Variants in CDIN1 observed in about 807,000 individuals in gnomAD.
The protein encoded by CDIN1 is CDAN1-interacting nuclease 1.
CDIN1 carries 33 observed loss-of-function variants against 45.3 expected under a neutral mutation model. That is an observed-to-expected ratio of 0.73 (90% CI 0.55 to 0.97). The LOEUF is 0.97. CDIN1 is among the 50% of genes least tolerant of loss of function. CDIN1 has a pLI of 0.00. For synonymous variants in CDIN1, 118 were observed against 124.4 expected, an observed-to-expected ratio of 0.95 and a Z score of 0.34; for missense variants, 303 against 339.4, an observed-to-expected ratio of 0.89 and a Z score of 0.84.
intron 5 of CDIN1, among the ~76,000 whole-genome samples, chr15:36,689,902 A>G (rs1474505308): frequency 6.6e-6 from 1 of 152,190 alleles, no homozygotes; most frequent in South Asian, 2.1e-4. Context: ...TCTAGAGACC[A>G]CACAAGAACA....
intron 1 of CDIN1, among the ~76,000 whole-genome samples, chr15:36,621,522 G>T (rs1011781635): frequency 6.6e-6 from 1 of 152,028 alleles, no homozygotes; most frequent in African/African-American, 2.4e-5. Context: ...TCACCTACTA[G>T]GTGAAACATA....
intron 10 of CDIN1, among the ~76,000 whole-genome samples, chr15:36,806,147 A>G (rs2141150293): frequency 6.6e-6 from 1 of 152,334 alleles, no homozygotes; most frequent in African/African-American, 2.4e-5. Flanking sequence ...GAACCACTGC[A>G]TGAAATGTTC....
At chr15:36,657,747 C>T in intron 4 of CDIN1, 86 bp from the exon 5 acceptor site, 2 of 1,028,160 alleles carry the variant, frequency 1.9e-6, no homozygotes, top group South Asian at 1.5e-5. Flanking sequence ...TTAAAATTGA[C>T]TTATTCTTCA....
intron 1 of CDIN1, among the ~76,000 whole-genome samples, chr15:36,628,429 T>A (rs2039541537): frequency 6.6e-6 from 1 of 152,214 alleles, no homozygotes; most frequent in African/African-American, 2.4e-5. Flanking sequence ...CACAGTTTGT[T>A]CATCCATTAT....
chr15:36,648,660 G>T (rs1409728683), intron 3 of CDIN1: 1 of 152,068 alleles, frequency 6.6e-6, no homozygotes, highest in East Asian at 1.9e-4. Flanking sequence ...TCGATCTCCT[G>T]ACCTTGTGAT....
chr15:36,744,047 C>A (rs1448073325), intron 10 of CDIN1, among the ~76,000 whole-genome samples: 1 of 150,272 alleles, frequency 6.7e-6, no homozygotes, highest in African/African-American at 2.5e-5. Context: ...TTTACTAGAC[C>A]TTCATGAAAT....
intron 10 of CDIN1, chr15:36,747,237 C>T (rs540465294): frequency 4.8e-5 from 17 of 357,028 alleles, no homozygotes; most frequent in African/African-American, 2.3e-4. Context: ...TGATAGTTCC[C>T]GTAACACTTG....
At chr15:36,719,528 T>A (rs2062555245) in intron 10 of CDIN1, among the ~76,000 whole-genome samples, 2 of 152,192 alleles carry the variant, frequency 1.3e-5, no homozygotes, top group African/African-American at 4.8e-5. Context: ...TTTGTTAAAA[T>A]CTGTTACGAA....
chr15:36,618,266 C>T (rs973149276), intron 1 of CDIN1: 1 of 665,058 alleles, frequency 1.5e-6, no homozygotes. Flanking sequence ...GACTCTGTAT[C>T]ATTGGGGGAT....
At position 36,629,241 on chromosome 15, in the gene CDIN1, A is replaced by G. The variant is rs185788204; in HGVS notation, c.102-15037A>G. On this transcript the variant is annotated intron_variant, in intron 1 of 10. Transcript: ENST00000566621. Reference sequence around the variant, plus strand: ...CCATAGGAAACTAAAGTGTGTGACCATGGTAGGATGTTTAGTAAATTTTTA... The same window carrying G: ...CCATAGGAAACTAAAGTGTGTGACCGTGGTAGGATGTTTAGTAAATTTTTA... Among the ~76,000 whole-genome samples the G allele has an allele frequency of 2.8e-3, 430 of 152,334 alleles. 4 individuals are homozygous for G. Among genetic ancestry groups the G allele is most frequent in the Non-Finnish European group, 4.8e-3 (327 of 68,014 alleles).
In CDIN1 at chr15:36,579,715, T is replaced by A. The variant is rs2036946682; in HGVS notation, c.-146T>A. 1.7e-6 allele frequency: 1 copy of A among 605,298 alleles called. No individual in the cohort carries two copies. Among genetic ancestry groups the A allele is most frequent in the Admixed American group, 3.2e-5 (1 of 31,610 alleles). The allele number at this position is 605,298 out of a possible 1,614,324, so 37.5% of individuals were successfully genotyped here. A position where few individuals can be genotyped will look rare whatever the true frequency, so the allele number is the denominator to read the frequency against. ...CGCCCCGCTTTTGCAGCTAGGGGTG[T>A]GTTTCAGGGGGGATTGGGGCAAGCC... On this transcript the variant is annotated 5_prime_UTR_variant, in exon 1 of 11. Coordinates refer to ENST00000566621, the MANE Select transcript of CDIN1 (RefSeq NM_001321759.2).
chr15:36,658,935 T>C (rs548993719), intron 5 of CDIN1, among the ~76,000 whole-genome samples: 52 of 152,198 alleles, frequency 3.4e-4, no homozygotes, highest in Non-Finnish European at 7.1e-4. Flanking sequence ...TCAATAGATG[T>C]AGCCTCCAAA....
chr15:36,807,953 T>C (rs1056164267), intron 10 of CDIN1, among the ~76,000 whole-genome samples: 9 of 152,244 alleles, frequency 5.9e-5, no homozygotes, highest in African/African-American at 2.2e-4. Context: ...CATTAAATGT[T>C]AGACTTAAAT....
chr15:36,690,548 G>A (rs1394294059), intron 5 of CDIN1, among the ~76,000 whole-genome samples: 2 of 152,082 alleles, frequency 1.3e-5, no homozygotes, highest in Admixed American at 6.5e-5. Context: ...GATTACAGAC[G>A]TGAGCCACCG....
chr15:36,741,832 C>T (rs1424129956), intron 10 of CDIN1, among the ~76,000 whole-genome samples: 1 of 152,196 alleles, frequency 6.6e-6, no homozygotes, highest in African/African-American at 2.4e-5. Context: ...CTGTAAAGAC[C>T]CTGTCCCCAA....
intron 1 of CDIN1, among the ~76,000 whole-genome samples, chr15:36,621,558 TG>T (rs34816324): frequency 6.6e-6 from 1 of 152,172 alleles, no homozygotes; most frequent in African/African-American, 2.4e-5. Flanking sequence ...TGCTGAAATT[TG>T]GGGGAAGTTT....
intron 10 of CDIN1, among the ~76,000 whole-genome samples, chr15:36,792,609 G>T (rs982368402): frequency 5.3e-5 from 8 of 151,938 alleles, no homozygotes; most frequent in African/African-American, 1.7e-4. Flanking sequence ...GTGGGGCTGG[G>T]GGGGAGGGTG....
Position 36,767,466 on chromosome 15 carries a change from G to T in CDIN1, c.717-40858G>T, listed in dbSNP as rs528131568. 2.0e-5 allele frequency among the ~76,000 whole-genome samples: 3 copies of T among 152,244 alleles called. No homozygotes were observed. In the East Asian group the frequency reaches 5.8e-4, roughly 29 times the overall value. ...AAAGTCACCTAGTAATTTCATATCT[G>T]TTGAATTCTAGTTGTGAAAGAACTA... is the stretch of plus-strand genomic sequence containing the variant. On this transcript the variant is annotated intron_variant, in intron 10 of 10. Transcript: ENST00000566621.
rs2043849965 is a variant in CDIN1 at position 36,732,038 on chromosome 15, A to G, written c.716+22077A>G. Among the ~76,000 whole-genome samples, 3 of 152,166 alleles carry G rather than the reference A, an allele frequency of 2.0e-5. No individual in the cohort carries two copies. The South Asian group carries it at 6.2e-4, about 31-fold the overall frequency. On this transcript the variant is annotated intron_variant, in intron 10 of 10. Transcript: ENST00000566621. ...ACAAAATTTTATGAATGATTATCAC[A>G]GTTTTAGACTCCTTAATGTGACAGG...
Sources: gnomAD v4.1 joint callset for allele counts (sites outside exome capture counted in the v4.1 genomes callset) on GRCh38, gnomAD v4.1.1 for gene constraint, MANE v1.5 for transcripts, NCBI Gene and HGNC (gene_info 2026-07-23, HGNC 2026-07-21) for gene names.